The following TTC29 variants were observed in gnomAD, a reference collection of about 807,000 sequenced individuals.
The protein encoded by TTC29 is tetratricopeptide repeat protein 29.
TTC29 carries 49 observed loss-of-function variants against 58.1 expected under a neutral mutation model. That is an observed-to-expected ratio of 0.84 (90% CI 0.67 to 1.07). TTC29 has a LOEUF of 1.07. Among genes scored for constraint, TTC29 ranks in the 50% least tolerant of loss-of-function variants. The pLI is 0.00. For synonymous variants in TTC29, 209 were observed against 196.8 expected, an observed-to-expected ratio of 1.06 and a Z score of -0.52; for missense variants, 582 against 555.6, an observed-to-expected ratio of 1.05 and a Z score of -0.48.
intron 11 of TTC29, among the ~76,000 whole-genome samples, chr4:146,741,102 A>G (rs189073643): frequency 2.0e-5 from 3 of 152,330 alleles, no homozygotes; most frequent in Admixed American, 2.0e-4. Flanking sequence ...CAGTAGTGTG[A>G]ACCTTACTTT....
intron 11 of TTC29, among the ~76,000 whole-genome samples, chr4:146,792,694 T>C (rs1473256802): frequency 6.6e-6 from 1 of 152,212 alleles, no homozygotes; most frequent in Non-Finnish European, 1.5e-5. Context: ...TATTATTTAA[T>C]ATTTAAGAAA....
chr4:146,921,042 C>T (rs924674594), intron 4 of TTC29, among the ~76,000 whole-genome samples: 2 of 151,350 alleles, frequency 1.3e-5, no homozygotes, highest in South Asian at 2.1e-4. Flanking sequence ...AGATAACTAC[C>T]GAACTGTAAG....
chr4:146,857,298 G>GTGTGTGTGT (rs1561193683), intron 8 of TTC29, among the ~76,000 whole-genome samples: 3 of 151,626 alleles, frequency 2.0e-5, no homozygotes, highest in African/African-American at 7.3e-5. Flanking sequence ...GTGTGTGTGT[G>GTGTGTGTGT]GAGGGTAATG....
chr4:146,773,826 T>C (rs760002605), intron 11 of TTC29, among the ~76,000 whole-genome samples: 8 of 151,854 alleles, frequency 5.3e-5, no homozygotes, highest in Non-Finnish European at 1.0e-4. Flanking sequence ...TGGCACCAGC[T>C]CTTCTTTATA....
chr4:146,778,243 T>C (rs1330373809), intron 11 of TTC29, among the ~76,000 whole-genome samples: 1 of 152,174 alleles, frequency 6.6e-6, no homozygotes, highest in Non-Finnish European at 1.5e-5. Flanking sequence ...TTTTTCTTAA[T>C]ATAACTATTT....
intron 11 of TTC29, among the ~76,000 whole-genome samples, chr4:146,786,843 T>A (rs1041989213): frequency 3.9e-5 from 6 of 152,080 alleles, no homozygotes; most frequent in African/African-American, 1.4e-4. Context: ...CTGGGCATGG[T>A]GGCTCATGGC....
chr4:146,914,806 A>G (rs1197052310), intron 4 of TTC29, among the ~76,000 whole-genome samples: 7 of 152,138 alleles, frequency 4.6e-5, no homozygotes, highest in Admixed American at 3.3e-4. Context: ...TCACATCAAC[A>G]TCTCCCTAAA....
At chr4:146,786,663 C>CTAT (rs908419290) in intron 11 of TTC29, among the ~76,000 whole-genome samples, 2 of 152,112 alleles carry the variant, frequency 1.3e-5, no homozygotes, top group African/African-American at 4.8e-5. Flanking sequence ...GTTTTTCTTT[C>CTAT]TATTCCCTAC....
intron 11 of TTC29, among the ~76,000 whole-genome samples, chr4:146,767,535 T>A (rs1438809311): frequency 6.6e-6 from 1 of 152,082 alleles, no homozygotes; most frequent in Non-Finnish European, 1.5e-5. Context: ...TTCTAAATGA[T>A]AATAACTTAT....
chr4:146,723,834 C>T (rs1743562878), intron 11 of TTC29, among the ~76,000 whole-genome samples: 1 of 152,168 alleles, frequency 6.6e-6, no homozygotes, highest in Non-Finnish European at 1.5e-5. Context: ...CCTCAGAGAA[C>T]TGAAAACAGA....
intron 10 of TTC29, among the ~76,000 whole-genome samples, chr4:146,818,776 C>G (rs1751612634): frequency 6.6e-6 from 1 of 152,078 alleles, no homozygotes; most frequent in Non-Finnish European, 1.5e-5. Flanking sequence ...GAGTTCATGT[C>G]CTTTGTAGGG....
intron 11 of TTC29, among the ~76,000 whole-genome samples, chr4:146,779,888 C>G (rs1748458415): frequency 6.6e-6 from 1 of 152,110 alleles, no homozygotes; most frequent in South Asian, 2.1e-4. Context: ...TTAGAACCTC[C>G]TATTAACTAG....
At chr4:146,759,789 T>C (rs1015655324) in intron 11 of TTC29, among the ~76,000 whole-genome samples, 3 of 152,006 alleles carry the variant, frequency 2.0e-5, no homozygotes, top group Non-Finnish European at 4.4e-5. Flanking sequence ...CATACCTTAA[T>C]GTAGTAAAAG....
intron 6 of TTC29, among the ~76,000 whole-genome samples, chr4:146,888,641 G>GAATTTT (rs1184332707): frequency 5.3e-5 from 8 of 152,132 alleles, no homozygotes; most frequent in Admixed American, 5.2e-4. Context: ...TGAAGGACTA[G>GAATTTT]AATTTTTTTT....
chr4:146,718,990 CT>C (rs1432396709), intron 11 of TTC29, among the ~76,000 whole-genome samples: 1 of 152,026 alleles, frequency 6.6e-6, no homozygotes, highest in Non-Finnish European at 1.5e-5. Flanking sequence ...TTCTTGGCAC[CT>C]TTCTTGAAAA....
At chr4:146,868,440 A>G (rs1172989362) in intron 7 of TTC29, among the ~76,000 whole-genome samples, 1 of 152,166 alleles carries the variant, frequency 6.6e-6, no homozygotes, top group African/African-American at 2.4e-5. Context: ...TCCTGGTACA[A>G]AATTCCATGC....
chr4:146,918,890 C>G (rs536535614), intron 4 of TTC29, among the ~76,000 whole-genome samples: 2 of 151,162 alleles, frequency 1.3e-5, no homozygotes, highest in African/African-American at 4.8e-5. Context: ...CTCAAACATA[C>G]ACATTTTTAA....
At chr4:146,707,576 A>G in intron 11 of TTC29, 25 bp from the exon 12 acceptor site, 1 of 1,491,200 alleles carries the variant, frequency 6.7e-7, no homozygotes, top group African/African-American at 1.4e-5. Flanking sequence ...CACAAAGTTA[A>G]TAGATTATCA....
At chr4:146,777,878 C>G (rs1748228155) in intron 11 of TTC29, among the ~76,000 whole-genome samples, 1 of 152,146 alleles carries the variant, frequency 6.6e-6, no homozygotes, top group Admixed American at 6.5e-5. Flanking sequence ...CCTTGAGAAA[C>G]TAGAAGAATG....
Sources: gnomAD v4.1 joint callset for allele counts (sites outside exome capture counted in the v4.1 genomes callset) on GRCh38, gnomAD v4.1.1 for gene constraint, MANE v1.5 for transcripts, NCBI Gene and HGNC (gene_info 2026-07-23, HGNC 2026-07-21) for gene names.